TESMIN: variants seen among roughly 807,000 people sequenced by gnomAD.
The protein encoded by TESMIN is testis expressed metallothionein like protein.
A neutral mutation model predicts 47.4 loss-of-function variants in TESMIN; 34 were observed. The ratio of observed to expected loss-of-function variants is 0.72; its 90% CI spans 0.55 to 0.96. TESMIN has a LOEUF of 0.96. Among genes scored for constraint, TESMIN ranks in the 40% least tolerant of loss-of-function variants. TESMIN has a pLI of 0.00. For missense variants in TESMIN, 610 were observed against 637.2 expected, an observed-to-expected ratio of 0.96 and a Z score of 0.46; for synonymous variants, 278 against 258.9, an observed-to-expected ratio of 1.07 and a Z score of -0.71.
chr11:68,736,721 T>C, intron 6 of TESMIN: 2 of 979,280 alleles, frequency 2.0e-6, no homozygotes, highest in Non-Finnish European at 2.4e-6. Flanking sequence ...ATGTGACTGA[T>C]TGAAAATAAT....
chr11:68,745,080 A>G lies in TESMIN; in HGVS notation c.662T>C (p.Met221Thr). 6.3e-7 allele frequency: 1 copy of G among 1,585,620 alleles called. No homozygotes were observed. Among genetic ancestry groups the G allele is most frequent in the South Asian group, 1.2e-5 (1 of 84,064 alleles). Residue 221 changes from methionine to threonine, a missense_variant, in exon 4 of 10, where the codon ATG becomes ACG. Met to Thr is a moderately conservative substitution (Grantham distance 81). Coordinates refer to ENST00000255087, the MANE Select transcript of TESMIN (RefSeq NM_004923.3). ...TGTTCTAGAATTGTCTATACATAGCATTTGTGTGCCCCCTTTCAATTGGCA... is the reference window on the plus strand; with the variant it reads ...TGTTCTAGAATTGTCTATACATAGCGTTTGTGTGCCCCCTTTCAATTGGCA... The part of the protein sequence containing the change: ...VICQLKGGTQ[M>T]LCIDNSRTRE...
chr11:68,733,239 G>A (rs1594295783), intron 6 of TESMIN, among the ~76,000 whole-genome samples: 1 of 152,160 alleles, frequency 6.6e-6, no homozygotes, highest in African/African-American at 2.4e-5. Flanking sequence ...TCCTGGCTGG[G>A]GGAGAACTTT....
chr11:68,710,844 T>C lies in TESMIN; in HGVS notation c.1334+30A>G. On this transcript the variant is annotated intron_variant, in intron 9 of 9. Transcript: ENST00000255087. ...CTCTCAAATTAACCTCTGTTCCCTC[T>C]ATTAGCAGAGGTTAGTTCAAAGTAC... 3.2e-6 allele frequency: 5 copies of C among 1,574,338 alleles called. 1 individual carries two copies.
chr11:68,709,753 G>A (rs1946040783), intron 9 of TESMIN, among the ~76,000 whole-genome samples: 2 of 151,872 alleles, frequency 1.3e-5, no homozygotes, highest in Admixed American at 1.3e-4. Context: ...GCAAGACGAG[G>A]CTCCAATGTA....
intron 6 of TESMIN, chr11:68,736,335 C>A (rs896091484): frequency 1.0e-6 from 1 of 985,362 alleles, no homozygotes; most frequent in Non-Finnish European, 1.2e-6. Context: ...CCAACCCTAA[C>A]AAATGACCAT....
chr11:68,749,050 C>G (rs563233001), intron 2 of TESMIN, among the ~76,000 whole-genome samples: 6 of 152,300 alleles, frequency 3.9e-5, no homozygotes, highest in Non-Finnish European at 8.8e-5. Context: ...TGACTCCACT[C>G]TGTGAGGAAA....
At chr11:68,750,791 G>A in intron 1 of TESMIN, 92 bp from the exon 2 acceptor site, 2 of 227,726 alleles carry the variant, frequency 8.8e-6, no homozygotes, top group South Asian at 1.3e-4. Flanking sequence ...GGGCAGCCAA[G>A]GGAGGGGCGG....
In TESMIN at chr11:68,747,331, A is replaced by T. The variant is rs539360922; in HGVS notation, c.507T>A (p.Ser169Arg). 18 of 1,614,048 alleles carry T rather than the reference A, an allele frequency of 1.1e-5. No individual in the cohort carries two copies. In the South Asian group the frequency reaches 2.0e-4, roughly 18 times the overall value. ...GCAAAGTTGCTTCTTCCGGATTATT[A>T]CTTGTAGTAGTACCACCTGCTTCCT... ...EIKEAGGTTT[S>R]NNPEEATLQN... The change falls in exon 3 of 10, where the codon AGT becomes AGA. Residue 169 changes from serine (S) to arginine (R), a missense_variant. Coordinates refer to ENST00000255087, the MANE Select transcript of TESMIN (RefSeq NM_004923.3).
intron 5 of TESMIN, 62 bp from the exon 6 acceptor site, chr11:68,738,850 C>G (rs1046035052): frequency 1.1e-5 from 15 of 1,383,888 alleles, no homozygotes; most frequent in Middle Eastern, 1.8e-4. Flanking sequence ...TTCCAGTCAG[C>G]CAGCCCCCTA....
chr11:68,748,632 T>TAG, intron 2 of TESMIN, among the ~76,000 whole-genome samples: 1 of 152,376 alleles, frequency 6.6e-6, no homozygotes, highest in Admixed American at 6.5e-5. Flanking sequence ...CAACTGATCC[T>TAG]GAATATTTAC....
rs1946011255 is a variant in TESMIN, at chr11:68,707,585, A to G, written c.*723T>C. The G allele has an allele frequency of 4.6e-6, 1 of 216,294 alleles. No individual in the cohort carries two copies. The highest frequency in any genetic ancestry group is 7.3e-5 in the South Asian group (1 of 13,692). The allele number at this position is 216,294 out of a possible 1,614,324, so 13.4% of individuals were successfully genotyped here. A position where few individuals can be genotyped will look rare whatever the true frequency, so the allele number is the denominator to read the frequency against. ...CAATAATAATATTACAACAATAATT[A>G]TGGAGAAGTTAATTGGATAATAGAG... On this transcript the variant is annotated 3_prime_UTR_variant, in exon 10 of 10. Coordinates refer to ENST00000255087, the MANE Select transcript of TESMIN (RefSeq NM_004923.3).
intron 2 of TESMIN, among the ~76,000 whole-genome samples, chr11:68,747,637 G>A (rs932221283): frequency 6.6e-6 from 1 of 152,166 alleles, no homozygotes; most frequent in Non-Finnish European, 1.5e-5. Flanking sequence ...TCAGTAGTTT[G>A]AATTAGATGT....
intron 1 of TESMIN, among the ~76,000 whole-genome samples, chr11:68,751,191 CA>C (rs1946602932): frequency 3.6e-5 from 2 of 55,238 alleles, no homozygotes; most frequent in Middle Eastern, 0.016. Context: ...GAGGGGCGCC[CA>C]GGGGAGGGGG....
intron 5 of TESMIN, among the ~76,000 whole-genome samples, chr11:68,741,391 T>G (rs775703444): frequency 1.8e-4 from 27 of 152,134 alleles, no homozygotes; most frequent in South Asian, 1.0e-3. Context: ...AAATGTCACC[T>G]TCACAACGGA....
intron 2 of TESMIN, among the ~76,000 whole-genome samples, chr11:68,748,771 G>A (rs1160655129): frequency 6.6e-6 from 1 of 152,172 alleles, no homozygotes; most frequent in Non-Finnish European, 1.5e-5. Context: ...TGTCAGACCA[G>A]CAATCTCTTA....
intron 6 of TESMIN, chr11:68,737,789 T>C (rs1314835925): frequency 2.6e-6 from 2 of 766,676 alleles, no homozygotes; most frequent in African/African-American, 1.9e-5. Flanking sequence ...GGTATGCGCC[T>C]GTGGTCCCAG....
chr11:68,724,836 T>C (rs1244984575), intron 6 of TESMIN, among the ~76,000 whole-genome samples: 1 of 152,204 alleles, frequency 6.6e-6, no homozygotes, highest in Non-Finnish European at 1.5e-5. Flanking sequence ...GTATGTATTC[T>C]ACCTAATAAG....
chr11:68,708,757 C>G (rs551853030), intron 9 of TESMIN, among the ~76,000 whole-genome samples: 1 of 101,160 alleles, frequency 9.9e-6, no homozygotes, highest in African/African-American at 2.9e-5. Context: ...AAAGTGAGAC[C>G]CTTTTTTTTT....
intron 6 of TESMIN, chr11:68,733,678 C>G (rs1946354820): frequency 6.6e-6 from 1 of 152,154 alleles, no homozygotes; most frequent in African/African-American, 2.4e-5. Flanking sequence ...GGATTTGGTA[C>G]AGTTACATGG....
Sources: allele counts gnomAD v4.1 joint callset (sites outside exome capture counted in the v4.1 genomes callset), GRCh38; gene constraint gnomAD v4.1.1; transcripts MANE v1.5; gene names NCBI Gene and HGNC (gene_info 2026-07-23, HGNC 2026-07-21).